The following LEKR1 variants were observed in gnomAD, a reference collection of about 807,000 sequenced individuals.
LEKR1 encodes the protein protein LEKR1.
In LEKR1, 59 loss-of-function variants were observed where a neutral mutation model predicts 72.4. That is an observed-to-expected ratio of 0.82 (90% CI 0.66 to 1.01). The LOEUF (loss-of-function observed/expected upper bound fraction) is 1.01. LEKR1 is among the 50% of genes least tolerant of loss of function. The probability of loss-of-function intolerance (pLI) is 0.00; values close to 1 mark genes in which losing one functional copy is unlikely to be tolerated. For synonymous variants in LEKR1, 257 were observed against 263.2 expected (o/e 0.98, Z 0.23); for missense variants, 728 against 759.2 (o/e 0.96, Z 0.48).
At chr3:156,851,340 G>A (rs921351676) in intron 2 of LEKR1, among the ~76,000 whole-genome samples, 2 of 152,178 alleles carry the variant, frequency 1.3e-5, no homozygotes, top group African/African-American at 2.4e-5. Context: ...ACTTCAGGGA[G>A]GCGGATTTGT....
intron 2 of LEKR1, among the ~76,000 whole-genome samples, chr3:156,846,976 C>T (rs1328858863): frequency 6.6e-6 from 1 of 152,090 alleles, no homozygotes; most frequent in African/African-American, 2.4e-5. Context: ...CCACGCCTGG[C>T]TAATTTTTAA....
intron 3 of LEKR1, among the ~76,000 whole-genome samples, chr3:156,888,903 C>T (rs112590934): frequency 0.018 from 2,740 of 152,260 alleles, 88 homozygotes; most frequent in African/African-American, 0.062. Flanking sequence ...GAAAAATTAA[C>T]TTAAGCATAA....
intron 9 of LEKR1, among the ~76,000 whole-genome samples, chr3:156,999,937 C>G (rs1731880876): frequency 6.6e-6 from 1 of 152,180 alleles, no homozygotes; most frequent in African/African-American, 2.4e-5. Context: ...TGGGTCTGAC[C>G]TTATAACTCA....
At position 157,020,402 on chromosome 3, in the gene LEKR1, A is replaced by G. The variant is rs188611756; in HGVS notation, c.1204-4358A>G. 4.3e-4 allele frequency among the ~76,000 whole-genome samples: 59 copies of G among 138,554 alleles called. 1 individual carries two copies. Among genetic ancestry groups the G allele is most frequent in the African/African-American group, 1.5e-3 (57 of 38,242 alleles). 90.9% of individuals were successfully genotyped at this position (138,554 alleles called of 152,430 possible). ...ATTAACTCGTCATTTAGCATTGGGT[A>G]TATCTCCTAATGCTATCCCTCCCCC... On this transcript the variant is annotated intron_variant, in intron 10 of 12. Transcript: ENST00000356539.
intron 3 of LEKR1, among the ~76,000 whole-genome samples, chr3:156,919,767 C>T (rs928786335): frequency 6.6e-6 from 1 of 152,116 alleles, no homozygotes; most frequent in Non-Finnish European, 1.5e-5. Flanking sequence ...TATAATGTTA[C>T]CATGTTATTC....
At chr3:156,973,141 A>C (rs567642404) in intron 6 of LEKR1, among the ~76,000 whole-genome samples, 1 of 152,212 alleles carries the variant, frequency 6.6e-6, no homozygotes, top group South Asian at 2.1e-4. Flanking sequence ...ACATATTTGC[A>C]GGCACTCTTA....
intron 12 of LEKR1, among the ~76,000 whole-genome samples, chr3:157,039,159 C>T (rs1735175625): frequency 6.6e-6 from 1 of 152,194 alleles, no homozygotes; most frequent in Admixed American, 6.5e-5. Context: ...CTCCTATTAA[C>T]AGTGGTTACC....
intron 3 of LEKR1, among the ~76,000 whole-genome samples, chr3:156,868,665 C>A (rs761233002): frequency 2.0e-5 from 3 of 151,994 alleles, no homozygotes; most frequent in Non-Finnish European, 4.4e-5. Flanking sequence ...TTTATAATTT[C>A]TATAAATTTA....
At chr3:156,861,541 A>T (rs931310893) in intron 3 of LEKR1, among the ~76,000 whole-genome samples, 2 of 152,066 alleles carry the variant, frequency 1.3e-5, no homozygotes, top group African/African-American at 4.8e-5. Flanking sequence ...GGGGTGTGGT[A>T]AGAATTCCTA....
chr3:157,036,014 A>T (rs1223122222), intron 12 of LEKR1, among the ~76,000 whole-genome samples: 2 of 152,222 alleles, frequency 1.3e-5, no homozygotes, highest in Admixed American at 1.3e-4. Context: ...AATAAACTGT[A>T]TACAAGCACA....
chr3:156,940,409 A>C (rs1409809348), intron 5 of LEKR1, among the ~76,000 whole-genome samples: 1 of 152,110 alleles, frequency 6.6e-6, no homozygotes, highest in Non-Finnish European at 1.5e-5. Context: ...GGATAGGAGG[A>C]CCTTCTTCAT....
Position 157,019,969 on chromosome 3 carries a change from G to T in LEKR1, c.1204-4791G>T, listed in dbSNP as rs143921488. ...ATCCCATGTGAAAACTCATCACTCT[G>T]CTTCTTTTTCTCAGATTGTGCAAAT... is the stretch of plus-strand genomic sequence containing the variant. On this transcript the variant is annotated intron_variant, in intron 10 of 12. Transcript: ENST00000356539. 2.7e-4 allele frequency among the ~76,000 whole-genome samples: 41 copies of T among 152,210 alleles called. No homozygotes were observed. In the East Asian group the frequency reaches 7.9e-3, roughly 29 times the overall value.
chr3:156,948,798 G>A (rs1343864344), intron 6 of LEKR1, among the ~76,000 whole-genome samples: 1 of 151,202 alleles, frequency 6.6e-6, no homozygotes, highest in African/African-American at 2.4e-5. Flanking sequence ...GTATAAGTGT[G>A]TCCTTTTCTC....
At chr3:156,914,883 C>T (rs1374025158) in intron 3 of LEKR1, among the ~76,000 whole-genome samples, 4 of 152,126 alleles carry the variant, frequency 2.6e-5, no homozygotes, top group African/African-American at 9.7e-5. Context: ...ATTACTTCGT[C>T]ACCCAAGTAC....
At chr3:157,039,799 T>C (rs1206558908) in intron 12 of LEKR1, among the ~76,000 whole-genome samples, 1 of 152,236 alleles carries the variant, frequency 6.6e-6, no homozygotes, top group Non-Finnish European at 1.5e-5. Context: ...GTATACAGAA[T>C]ATGGCACACA....
chr3:156,948,778 C>T (rs1726900220), intron 6 of LEKR1, among the ~76,000 whole-genome samples: 1 of 151,472 alleles, frequency 6.6e-6, no homozygotes, highest in Non-Finnish European at 1.5e-5. Flanking sequence ...AATTTACACT[C>T]CCAGCAAGTG....
At position 156,852,895 on chromosome 3, in the gene LEKR1, A is replaced by C. The variant is rs1024328407; in HGVS notation, c.176A>C (p.Asp59Ala). Residue 59 changes from aspartate (D) to alanine (A), a missense_variant, in exon 3 of 13, where the codon GAT (aspartate) becomes GCT (alanine). Coordinates refer to ENST00000356539, the MANE Select transcript of LEKR1 (RefSeq NM_001004316.3). ...ATGAAATTTTATCAAGGAAGTGTAG[A>C]TCGTGAAAAGAGACTTCAAGAAAAG... Reference protein sequence around the residue: ...KEMKFYQGSVDREKRLQEKLH... With the variant: ...KEMKFYQGSVAREKRLQEKLH... 10 of 1,535,350 alleles carry C rather than the reference A, an allele frequency of 6.5e-6. No individual in the cohort carries two copies. Among genetic ancestry groups the C allele is most frequent in the African/African-American group, 1.4e-5 (1 of 72,954 alleles).
chr3:156,882,466 C>G lies in LEKR1; in HGVS notation c.263+29484C>G, dbSNP rs1164158370. ...ACCACATTGAGATACCATCTCACAC[C>G]AGTTAGAATGGCAATCATTAAAAAG... On this transcript the variant is annotated intron_variant, in intron 3 of 12. Transcript: ENST00000356539. Among the ~76,000 whole-genome samples the G allele has an allele frequency of 1.2e-4, 18 of 152,276 alleles. No individual in the cohort carries two copies. In the East Asian group the frequency reaches 3.5e-3, roughly 29 times the overall value.
intron 3 of LEKR1, among the ~76,000 whole-genome samples, chr3:156,913,700 G>C (rs1265149638): frequency 1.3e-5 from 2 of 152,142 alleles, no homozygotes; most frequent in Non-Finnish European, 2.9e-5. Flanking sequence ...TGGCACAAGT[G>C]CTTTCCCTTA....
Sources: allele counts gnomAD v4.1 joint callset (sites outside exome capture counted in the v4.1 genomes callset), GRCh38; gene constraint gnomAD v4.1.1; transcripts MANE v1.5; gene names NCBI Gene and HGNC (gene_info 2026-07-23, HGNC 2026-07-21).